Variants in UCMA observed in about 807,000 individuals in gnomAD.
The protein encoded by UCMA is upper zone of growth plate and cartilage matrix-associated protein.
UCMA carries 21 observed loss-of-function variants against 21.8 expected under a neutral mutation model. That is an observed-to-expected ratio of 0.97 (90% confidence interval 0.68 to 1.39). UCMA has a LOEUF of 1.39. Ranked by LOEUF, UCMA falls within the 40% of genes most tolerant of loss-of-function variation. UCMA has a pLI of 0.00. For synonymous variants in UCMA, 76 were observed against 67.9 expected, an observed-to-expected ratio of 1.12 and a Z score of -0.58; for missense variants, 193 against 178.9, an observed-to-expected ratio of 1.08 and a Z score of -0.45.
intron 4 of UCMA, among the ~76,000 whole-genome samples, chr10:13,222,824 T>C (rs112216636): frequency 0.097 from 14,675 of 151,648 alleles, 983 homozygotes; most frequent in Middle Eastern, 0.14. Context: ...CCTTTCACCA[T>C]GCCTGGCTAA....
intron 3 of UCMA, among the ~76,000 whole-genome samples, chr10:13,232,131 T>C (rs185113516): frequency 4.6e-4 from 65 of 142,508 alleles, no homozygotes; most frequent in African/African-American, 1.6e-3. Flanking sequence ...CTCAGCACTC[T>C]AAGAGGCCGA....
At position 13,230,965 on chromosome 10, in the gene UCMA, G is replaced by A. The variant is rs186462141; in HGVS notation, c.221-1256C>T. On this transcript the variant is annotated intron_variant, in intron 3 of 4. Transcript: ENST00000378681. ...CCAGCTACTTGGGAGGGTGAGGCAGGAGAATTGCTTGAACCGGGGAGGTGG... is the reference window on the plus strand; with the variant it reads ...CCAGCTACTTGGGAGGGTGAGGCAGAAGAATTGCTTGAACCGGGGAGGTGG... 4.0e-3 allele frequency among the ~76,000 whole-genome samples: 616 copies of A among 152,230 alleles called. 7 individuals are homozygous for A. The highest frequency in any genetic ancestry group is 0.014 in the African/African-American group (583 of 41,524).
intron 4 of UCMA, among the ~76,000 whole-genome samples, chr10:13,223,594 C>T (rs1834786594): frequency 1.3e-5 from 2 of 152,238 alleles, no homozygotes; most frequent in African/African-American, 4.8e-5. Flanking sequence ...CGCTCTGTCA[C>T]CCAGGCTGGG....
At chr10:13,230,397 T>C (rs2131606391) in intron 3 of UCMA, among the ~76,000 whole-genome samples, 1 of 152,278 alleles carries the variant, frequency 6.6e-6, no homozygotes, top group Non-Finnish European at 1.5e-5. Flanking sequence ...TACCAAGCAT[T>C]ACAGCTGTTG....
chr10:13,233,060 C>T (rs777470105), intron 3 of UCMA, among the ~76,000 whole-genome samples: 1 of 152,178 alleles, frequency 6.6e-6, no homozygotes, highest in Non-Finnish European at 1.5e-5. Flanking sequence ...TGTCCCCAGA[C>T]CCACATTTCT....
Position 13,234,236 on chromosome 10 carries a change from A to G in UCMA, c.23T>C (p.Leu8Pro), listed in dbSNP as rs764345104. 8.7e-6 allele frequency: 14 copies of G among 1,613,918 alleles called. No homozygotes were observed. In the East Asian group the frequency reaches 3.1e-4, roughly 36 times the overall value. ...CACCACGGCGGAGAAGCAAGACAGC[A>G]GGACGGCCTGTCTCCAAGTCATCTT... MTWRQAV[L>P]LSCFSAVVLL... The change falls in exon 1 of 5, where the codon CTG becomes CCG. Residue 8 changes from leucine (L) to proline (P), a missense_variant. By Grantham distance (98) the Leu-to-Pro change is moderately conservative. Transcript: ENST00000378681.
chr10:13,229,514 A>G (rs12413901), intron 4 of UCMA, 97 bp downstream of exon 4: 39 of 327,408 alleles, frequency 1.2e-4, no homozygotes, highest in Non-Finnish European at 1.7e-4. Context: ...TCAAAAAAAG[A>G]AAAAAAAAAA....
At chr10:13,232,151 G>A (rs144721290) in intron 3 of UCMA, among the ~76,000 whole-genome samples, 107 of 151,960 alleles carry the variant, frequency 7.0e-4, no homozygotes, top group African/African-American at 2.5e-3. Flanking sequence ...AGGCAGGGGG[G>A]TCACCTGAGT....
chr10:13,234,349 AG>A lies in UCMA; in HGVS notation c.-92del, dbSNP rs1834942762. The A allele has an allele frequency of 7.3e-7, 1 of 1,369,948 alleles. No individual in the cohort carries two copies. The allele number at this position is 1,369,948 out of a possible 1,614,324, so 84.9% of individuals were successfully genotyped here. ...TCCCCACTTCTGAGGCAGGCAGCCC[AG>A]GCGAGAGGAAGGAAGGCGGGGGAGG... On this transcript the variant is annotated 5_prime_UTR_variant, in exon 1 of 5. Transcript: ENST00000378681.
At chr10:13,232,101 C>A (rs1488457325) in intron 3 of UCMA, among the ~76,000 whole-genome samples, 1 of 152,068 alleles carries the variant, frequency 6.6e-6, no homozygotes, top group African/African-American at 2.4e-5. Flanking sequence ...AGGCCATGCG[C>A]GGTGGCTCAT....
rs755178935 is a variant in UCMA at position 13,222,234 on chromosome 10, A to AG, written c.320-35dup. On this transcript the variant is annotated intron_variant, in intron 4 of 4. Coordinates refer to ENST00000378681, the MANE Select transcript of UCMA (RefSeq NM_145314.3). ...GAAAGACAAAGCCACCTGTTAGGAC[A>AG]GGGGGACTCTGACCTGCCACTGAGC... The AG allele has an allele frequency of 2.9e-5, 47 of 1,599,428 alleles. No individual in the cohort carries two copies. The Admixed American group carries it at 8.1e-4, about 27-fold the overall frequency.
intron 4 of UCMA, among the ~76,000 whole-genome samples, chr10:13,228,715 T>C (rs1311376536): frequency 6.6e-6 from 1 of 152,116 alleles, no homozygotes; most frequent in Non-Finnish European, 1.5e-5. Context: ...AATATGATCC[T>C]GCCAGAGCTA....
intron 4 of UCMA, among the ~76,000 whole-genome samples, chr10:13,227,813 C>T (rs924414946): frequency 6.8e-6 from 1 of 147,882 alleles, no homozygotes; most frequent in Non-Finnish European, 1.5e-5. Context: ...CCCCATTAAA[C>T]GGTCCTAAGG....
chr10:13,230,629 T>C (rs1337286885), intron 3 of UCMA, among the ~76,000 whole-genome samples: 1 of 152,102 alleles, frequency 6.6e-6, no homozygotes, highest in African/African-American at 2.4e-5. Flanking sequence ...CCATCAACTC[T>C]GATGTGCAAG....
rs750519085 is a variant in UCMA at position 13,234,243 on chromosome 10, C to T, written c.16G>A (p.Ala6Thr). The part of the protein sequence containing the change: MTWRQ[A>T]VLLSCFSAVV... ...GCGGAGAAGCAAGACAGCAGGACGG[C>T]CTGTCTCCAAGTCATCTTTGCAGAG... The change falls in exon 1 of 5, where the codon GCC becomes ACC. Residue 6 changes from alanine (A) to threonine (T), a missense_variant. Ala to Thr is a moderately conservative substitution (Grantham distance 58, BLOSUM62 0). Coordinates refer to ENST00000378681, the MANE Select transcript of UCMA (RefSeq NM_145314.3). 1 of 1,613,886 alleles carries T rather than the reference C, an allele frequency of 6.2e-7. No homozygotes were observed. The highest frequency in any genetic ancestry group is 1.1e-5 in the South Asian group (1 of 91,044).
intron 1 of UCMA, 144 bp from the exon 2 acceptor site, chr10:13,233,944 C>A: frequency 9.5e-7 from 1 of 1,049,278 alleles, no homozygotes; most frequent in Non-Finnish European, 1.4e-6. Flanking sequence ...AGCTGCAGAG[C>A]CAATCTCCCC....
chr10:13,230,426 G>A (rs1264956441), intron 3 of UCMA, among the ~76,000 whole-genome samples: 3 of 152,182 alleles, frequency 2.0e-5, no homozygotes, highest in Non-Finnish European at 4.4e-5. Context: ...ATTCCCGGTT[G>A]TCTGGAGGAA....
At position 13,230,219 on chromosome 10, in the gene UCMA, G is replaced by T. The variant is rs968830048; in HGVS notation, c.221-510C>A. ...GCTACTAGGGAGTCTGAAGCAGGAG[G>T]GTTGCTTGAGGCCAGGAGTTCAAGG... On this transcript the variant is annotated intron_variant, in intron 3 of 4. Transcript: ENST00000378681. Among the ~76,000 whole-genome samples the T allele has an allele frequency of 5.3e-5, 8 of 152,246 alleles. No individual in the cohort carries two copies. The East Asian group carries it at 1.5e-3, about 29-fold the overall frequency.
At chr10:13,228,981 G>A (rs1409299690) in intron 4 of UCMA, among the ~76,000 whole-genome samples, 1 of 151,746 alleles carries the variant, frequency 6.6e-6, no homozygotes, top group Admixed American at 6.6e-5. Context: ...TGTTGCCCAG[G>A]CTGGAGTGAA....
Sources: gnomAD v4.1 joint callset for allele counts (sites outside exome capture counted in the v4.1 genomes callset) on GRCh38, gnomAD v4.1.1 for gene constraint, MANE v1.5 for transcripts, NCBI Gene and HGNC (gene_info 2026-07-23, HGNC 2026-07-21) for gene names.